TTC6: variants seen among roughly 807,000 people sequenced by gnomAD.
The protein encoded by TTC6 is tetratricopeptide repeat domain 6, also known as tetratricopeptide repeat protein 6.
In TTC6, 172 loss-of-function variants were observed where a neutral mutation model predicts 210.4. The ratio of observed to expected loss-of-function variants is 0.82; its 90% CI spans 0.72 to 0.93. The LOEUF is 0.93. Among genes scored for constraint, TTC6 ranks in the 40% least tolerant of loss-of-function variants. The pLI, the probability that TTC6 is intolerant of heterozygous loss-of-function variation, is 0.00. For synonymous variants in TTC6, 804 were observed against 819.6 expected, an observed-to-expected ratio of 0.98 and a Z score of 0.32; for missense variants, 2,414 against 2,318.1, an observed-to-expected ratio of 1.04 and a Z score of -0.85.
chr14:37,841,528 A>G lies in TTC6; in HGVS notation c.5382A>G (p.Ile1794Met), dbSNP rs117386556. The G allele has an allele frequency of 1.1e-3, 1,810 of 1,603,266 alleles. 21 individuals are homozygous for G. The Admixed American group carries it at 0.02, about 18-fold the overall frequency. The change falls in exon 30 of 31, where the codon ATA (isoleucine) becomes ATG (methionine). Residue 1794 changes from isoleucine (I) to methionine (M), a missense_variant. Physicochemically the swap from Ile to Met is conservative, Grantham distance 10 (BLOSUM62 1). Coordinates refer to ENST00000553443, the Ensembl canonical transcript of TTC6. ...TGAATCGAGCTATTACAAATACAAT[A>G]TTAAAGAAATATGAAGAAGCAAAAG...
chr14:37,715,118 C>T (rs551098720), intron 6 of TTC6, among the ~76,000 whole-genome samples: 303 of 152,106 alleles, frequency 2.0e-3, no homozygotes, highest in African/African-American at 6.9e-3. Flanking sequence ...TCCAGTGAGC[C>T]GTGATTGTGC....
rs148922793 is a variant in TTC6, at chr14:37,674,596, T to C, written c.940-5555T>C. ...TTGCTTGAGAATGTCCTAAAGTGACTGAGTCAAGATTTGAAGCCAAAAGCA... is the reference window on the plus strand; with the variant it reads ...TTGCTTGAGAATGTCCTAAAGTGACCGAGTCAAGATTTGAAGCCAAAAGCA... On this transcript the variant is annotated intron_variant, in intron 1 of 30. Transcript: ENST00000553443. Among the ~76,000 whole-genome samples the C allele has an allele frequency of 6.8e-3, 1,034 of 152,288 alleles. 12 individuals carry two copies. The highest frequency in any genetic ancestry group is 0.037 in the Middle Eastern group (11 of 294).
At chr14:37,722,123 GTCA>G (rs1403279539) in intron 6 of TTC6, among the ~76,000 whole-genome samples, 1 of 151,758 alleles carries the variant, frequency 6.6e-6, no homozygotes, top group African/African-American at 2.4e-5. Flanking sequence ...CTGACCTTGG[GTCA>G]TCAGTATGAA....
At chr14:37,727,451 G>T (rs2095875601) in intron 7 of TTC6, among the ~76,000 whole-genome samples, 1 of 151,530 alleles carries the variant, frequency 6.6e-6, no homozygotes, top group South Asian at 2.1e-4. Flanking sequence ...ACACCACCAT[G>T]CCTGGCTAAT....
At chr14:37,801,707 G>C (rs2096107054) in intron 20 of TTC6, among the ~76,000 whole-genome samples, 1 of 152,058 alleles carries the variant, frequency 6.6e-6, no homozygotes, top group Admixed American at 6.6e-5. Context: ...ATCTCATTGT[G>C]GTTTTTATTT....
intron 4 of TTC6, among the ~76,000 whole-genome samples, chr14:37,700,979 G>A (rs2095824254): frequency 6.6e-6 from 1 of 152,014 alleles, no homozygotes; most frequent in South Asian, 2.1e-4. Context: ...AATACATGAT[G>A]GCTGGATATG....
At chr14:37,755,974 C>G (rs28799042) in intron 14 of TTC6, among the ~76,000 whole-genome samples, 21 of 152,162 alleles carry the variant, frequency 1.4e-4, no homozygotes, top group African/African-American at 4.6e-4. Context: ...AATGATTCTT[C>G]CTATCCGTGA....
intron 29 of TTC6, among the ~76,000 whole-genome samples, chr14:37,833,449 G>A (rs2096190735): frequency 6.6e-6 from 1 of 152,064 alleles, no homozygotes; most frequent in African/African-American, 2.4e-5. Context: ...TGTTTTGTAG[G>A]AAATATCTTT....
At chr14:37,651,707 G>C (rs2095713459) in intron 1 of TTC6, among the ~76,000 whole-genome samples, 1 of 151,828 alleles carries the variant, frequency 6.6e-6, no homozygotes, top group Non-Finnish European at 1.5e-5. Context: ...GGATGCTTGA[G>C]GCCAGGAGTT....
intron 14 of TTC6, among the ~76,000 whole-genome samples, chr14:37,768,625 T>A (rs2096007083): frequency 6.6e-6 from 1 of 150,920 alleles, no homozygotes; most frequent in African/African-American, 2.4e-5. Flanking sequence ...TGTATAAGAA[T>A]GCTTGTGATT....
At chr14:37,653,830 G>A (rs1381281655) in intron 1 of TTC6, among the ~76,000 whole-genome samples, 5 of 152,088 alleles carry the variant, frequency 3.3e-5, no homozygotes, top group African/African-American at 1.2e-4. Flanking sequence ...ATTTGTTGTT[G>A]TTTTTAAGGT....
intron 21 of TTC6, among the ~76,000 whole-genome samples, chr14:37,805,701 G>A (rs1402131770): frequency 6.6e-6 from 1 of 151,970 alleles, no homozygotes; most frequent in African/African-American, 2.4e-5. Context: ...TTTTTTGTTT[G>A]TTTGTTTGTT....
chr14:37,670,339 T>TA (rs2095755783), intron 1 of TTC6, among the ~76,000 whole-genome samples: 1 of 152,174 alleles, frequency 6.6e-6, no homozygotes, highest in Non-Finnish European at 1.5e-5. Flanking sequence ...AGTGAAATGT[T>TA]ACGTGATTAA....
intron 3 of TTC6, among the ~76,000 whole-genome samples, chr14:37,690,861 A>G (rs964770712): frequency 1.2e-4 from 19 of 152,354 alleles, no homozygotes; most frequent in Admixed American, 1.0e-3. Context: ...TCTGCACTAT[A>G]GAGCAATGGA....
chr14:37,635,280 T>C (rs1003755197), intron 1 of TTC6, among the ~76,000 whole-genome samples: 12 of 152,280 alleles, frequency 7.9e-5, no homozygotes, highest in Middle Eastern at 3.4e-3. Context: ...GGTACTGGTA[T>C]CATGTACTAT....
intron 26 of TTC6, among the ~76,000 whole-genome samples, chr14:37,822,076 G>C (rs1047875509): frequency 6.6e-6 from 1 of 152,000 alleles, no homozygotes; most frequent in African/African-American, 2.4e-5. Context: ...ACCGTGCCCG[G>C]CCAGAGCTAG....
Position 37,635,954 on chromosome 14 carries a change from C to T in TTC6, c.939+12951C>T, listed in dbSNP as rs566659745. Among the ~76,000 whole-genome samples, 6 of 139,134 alleles carry T rather than the reference C, an allele frequency of 4.3e-5. No homozygotes were observed. The East Asian group carries it at 8.3e-4, about 19-fold the overall frequency. 91.3% of individuals were successfully genotyped at this position (139,134 alleles called of 152,430 possible). On this transcript the variant is annotated intron_variant, in intron 1 of 30. Coordinates refer to ENST00000553443, the Ensembl canonical transcript of TTC6. The stretch of plus-strand genomic sequence containing the variant: ...AGATTGCGCCATTGCACTCCAGCCC[C>T]TGGCAACAAGAGCAAAATTCCATTT...
At chr14:37,749,060 G>A (rs1483156062) in exon 11 of TTC6, 3 of 1,535,602 alleles carry the variant, frequency 2.0e-6, no homozygotes, top group Non-Finnish European at 2.6e-6. Flanking sequence ...ATTCGTCCAA[G>A]CTAAGGGAGG....
At chr14:37,842,059 T>C in intron 30 of TTC6, 96 bp from the exon 33 acceptor site, 3 of 1,183,038 alleles carry the variant, frequency 2.5e-6, no homozygotes, top group Non-Finnish European at 3.4e-6. Flanking sequence ...ATTGAGTTAA[T>C]TTTTTTAAAA....
Sources: allele counts gnomAD v4.1 joint callset (sites outside exome capture counted in the v4.1 genomes callset), GRCh38; gene constraint gnomAD v4.1.1; transcripts MANE v1.5; gene names NCBI Gene and HGNC (gene_info 2026-07-23, HGNC 2026-07-21).